The following GRID2 variants were observed in gnomAD, a reference collection of about 807,000 sequenced individuals.
GRID2 encodes the protein glutamate ionotropic receptor delta type subunit 2.
A neutral mutation model predicts 114.8 loss-of-function variants in GRID2; 33 were observed. The observed-to-expected ratio is 0.29, with a 90% CI of 0.22 to 0.38. The LOEUF is 0.38. Ranked by LOEUF, GRID2 falls within the 10% of genes least tolerant of loss-of-function variation. The probability of loss-of-function intolerance (pLI) is 1.00; values close to 1 mark genes in which losing one functional copy is unlikely to be tolerated. For synonymous variants in GRID2, 505 were observed against 449.9 expected (o/e 1.12, Z -1.55); for missense variants, 1,184 against 1,257.7 (o/e 0.94, Z 0.89).
chr4:92,977,717 A>C lies in GRID2; in HGVS notation c.245-107278A>C, dbSNP rs183304452. ...GGGGTTGACAATAGAGTTGGAGAGA[A>C]GTCAAGATATATGTTTGGATTTAAA... On this transcript the variant is annotated intron_variant, in intron 2 of 15. Coordinates refer to ENST00000282020, the MANE Select transcript of GRID2 (RefSeq NM_001510.4). Among the ~76,000 whole-genome samples the C allele has an allele frequency of 6.9e-4, 105 of 152,276 alleles. 2 individuals are homozygous for C. Among genetic ancestry groups the C allele is most frequent in the Middle Eastern group, 6.8e-3 (2 of 294 alleles).
At chr4:93,586,959 A>C (rs1213898554) in intron 13 of GRID2, among the ~76,000 whole-genome samples, 2 of 152,126 alleles carry the variant, frequency 1.3e-5, no homozygotes, top group East Asian at 3.9e-4. Flanking sequence ...AATAAAGTGA[A>C]AGTAATTAGA....
intron 2 of GRID2, among the ~76,000 whole-genome samples, chr4:92,898,726 C>T (rs1747351569): frequency 6.6e-6 from 1 of 152,106 alleles, no homozygotes; most frequent in South Asian, 2.1e-4. Flanking sequence ...GTAGCGCTTA[C>T]AGATACTGTA....
intron 4 of GRID2, among the ~76,000 whole-genome samples, chr4:93,160,544 C>T (rs1213752659): frequency 6.6e-6 from 1 of 151,824 alleles, no homozygotes; most frequent in East Asian, 1.9e-4. Context: ...AAGTCCCCCT[C>T]TACCTTTGCT....
intron 2 of GRID2, among the ~76,000 whole-genome samples, chr4:92,834,910 A>G (rs1288012047): frequency 6.6e-6 from 1 of 152,134 alleles, no homozygotes; most frequent in Admixed American, 6.6e-5. Flanking sequence ...TTGATAATGT[A>G]TCAAGTGAAA....
chr4:93,308,688 T>C (rs1755694684), intron 8 of GRID2, among the ~76,000 whole-genome samples: 1 of 152,228 alleles, frequency 6.6e-6, no homozygotes, highest in Admixed American at 6.5e-5. Flanking sequence ...CTGTGAATCC[T>C]TTGGAGAATT....
intron 1 of GRID2, among the ~76,000 whole-genome samples, chr4:92,536,113 C>T (rs1015402632): frequency 3.9e-5 from 6 of 152,218 alleles, no homozygotes; most frequent in Non-Finnish European, 8.8e-5. Flanking sequence ...CAGGCTGCCA[C>T]TGCTTGCGCC....
At chr4:93,019,340 G>A (rs1723060341) in intron 2 of GRID2, among the ~76,000 whole-genome samples, 1 of 151,978 alleles carries the variant, frequency 6.6e-6, no homozygotes, top group Admixed American at 6.6e-5. Flanking sequence ...AAATGTTTTT[G>A]TTTTCTTGTC....
intron 2 of GRID2, among the ~76,000 whole-genome samples, chr4:92,916,012 A>G (rs1019438359): frequency 6.6e-6 from 1 of 152,148 alleles, no homozygotes; most frequent in South Asian, 2.1e-4. Flanking sequence ...CTCCCATTCT[A>G]TAACTTATTT....
At chr4:93,171,613 C>T (rs1035768425) in intron 4 of GRID2, among the ~76,000 whole-genome samples, 1 of 152,182 alleles carries the variant, frequency 6.6e-6, no homozygotes, top group African/African-American at 2.4e-5. Flanking sequence ...TGTTAAATAA[C>T]TTGTCCACGT....
intron 2 of GRID2, among the ~76,000 whole-genome samples, chr4:93,032,031 A>G (rs1471273439): frequency 1.3e-5 from 2 of 152,154 alleles, no homozygotes; most frequent in Non-Finnish European, 2.9e-5. Flanking sequence ...CCAGCAACCT[A>G]TAATTTAATA....
chr4:93,505,214 A>G (rs1381701191), intron 12 of GRID2, among the ~76,000 whole-genome samples: 1 of 152,070 alleles, frequency 6.6e-6, no homozygotes, highest in African/African-American at 2.4e-5. Flanking sequence ...TGTTTTTGTT[A>G]ACACCATTTA....
At chr4:92,992,146 A>G (rs1191954568) in intron 2 of GRID2, among the ~76,000 whole-genome samples, 1 of 152,178 alleles carries the variant, frequency 6.6e-6, no homozygotes, top group Non-Finnish European at 1.5e-5. Context: ...CTGTAAGACC[A>G]TGTATCTTTA....
At position 93,331,128 on chromosome 4, in the gene GRID2, C is replaced by CG. The variant is rs568266383; in HGVS notation, c.1246-64479_1246-64478insG. On this transcript the variant is annotated intron_variant, in intron 8 of 15. Transcript: ENST00000282020. ...GCCTCAGTGCCTGCTGCTATCTAAC[C>CG]CCCCCCCCATTTCACTCATTATCTC... 2.8e-3 allele frequency among the ~76,000 whole-genome samples: 380 copies of CG among 136,150 alleles called. 4 individuals carry two copies. The highest frequency in any genetic ancestry group is 9.3e-3 in the African/African-American group (346 of 37,130). The allele number at this position is 136,150 out of a possible 152,430, so 89.3% of individuals were successfully genotyped here. A position where few individuals can be genotyped will look rare whatever the true frequency, so the allele number is the denominator to read the frequency against.
chr4:92,530,692 G>T (rs910605597), intron 1 of GRID2, among the ~76,000 whole-genome samples: 1 of 149,446 alleles, frequency 6.7e-6, no homozygotes, highest in African/African-American at 2.5e-5. Context: ...ACGAAGTCAG[G>T]AGCTTGAGAT....
intron 1 of GRID2, among the ~76,000 whole-genome samples, chr4:92,399,956 G>C (rs1730707591): frequency 6.6e-6 from 1 of 151,956 alleles, no homozygotes. Flanking sequence ...TTTCAGAGCT[G>C]GAAAAGATTT....
rs536238482 is a variant in GRID2, at chr4:93,305,321, C to T, written c.1245+66831C>T. On this transcript the variant is annotated intron_variant, in intron 8 of 15. Coordinates refer to ENST00000282020, the MANE Select transcript of GRID2 (RefSeq NM_001510.4). ...AAGTAAACAAGCATTTAAAAAGCTT[C>T]AAAGAGAGTCAAATCCACAATTCGG... Among the ~76,000 whole-genome samples the T allele has an allele frequency of 2.0e-5, 3 of 152,098 alleles. No homozygotes were observed. The East Asian group carries it at 5.8e-4, about 29-fold the overall frequency.
Position 92,884,949 on chromosome 4 carries a change from C to T in GRID2, c.245-200046C>T, listed in dbSNP as rs770828258. 17 of 317,436 alleles carry T rather than the reference C, an allele frequency of 5.4e-5. 1 individual carries two copies. Among genetic ancestry groups the T allele is most frequent in the South Asian group, 2.6e-4 (9 of 34,148 alleles). The allele number at this position is 317,436 out of a possible 1,614,324, so 19.7% of individuals were successfully genotyped here. ...TTTGGTCTCCCCAAAAAAAAAAAAT[C>T]GCATCTAAAAGGCAAAGTGTTTTAA... On this transcript the variant is annotated intron_variant, in intron 2 of 15. Transcript: ENST00000282020.
At chr4:93,438,838 C>T (rs1721352368) in intron 10 of GRID2, among the ~76,000 whole-genome samples, 2 of 151,808 alleles carry the variant, frequency 1.3e-5, no homozygotes, top group South Asian at 4.2e-4. Context: ...CCCCCATCCC[C>T]CACCCCACAA....
chr4:93,578,882 C>A (rs142973469), intron 13 of GRID2, among the ~76,000 whole-genome samples: 1 of 152,220 alleles, frequency 6.6e-6, no homozygotes, highest in East Asian at 1.9e-4. Flanking sequence ...CGTGAGCCAC[C>A]GCACCCGGCT....
Sources: allele counts gnomAD v4.1 joint callset (sites outside exome capture counted in the v4.1 genomes callset), GRCh38; gene constraint gnomAD v4.1.1; transcripts MANE v1.5; gene names NCBI Gene and HGNC (gene_info 2026-07-23, HGNC 2026-07-21).